GRM1: variants seen among roughly 807,000 people sequenced by gnomAD.
GRM1 encodes the protein metabotropic glutamate receptor 1.
Under a neutral mutation model 90.9 loss-of-function variants are expected in GRM1, and 33 were observed. That is an observed-to-expected ratio of 0.36 (90% CI 0.28 to 0.49). The LOEUF (loss-of-function observed/expected upper bound fraction) is 0.49, where lower values mean the gene tolerates loss of function less well. Ranked by LOEUF, GRM1 falls within the 20% of genes least tolerant of loss-of-function variation. The pLI is 0.99. For synonymous variants in GRM1, 700 were observed against 613.2 expected, an observed-to-expected ratio of 1.14 and a Z score of -2.09; for missense variants, 1,190 against 1,534.3, an observed-to-expected ratio of 0.78 and a Z score of 3.75.
chr6:146,347,613 G>C (rs1217890380), intron 3 of GRM1, among the ~76,000 whole-genome samples: 1 of 151,966 alleles, frequency 6.6e-6, no homozygotes, highest in Non-Finnish European at 1.5e-5. Flanking sequence ...CAAACACATG[G>C]ATTCTGCACA....
At chr6:146,278,817 T>C (rs1428596381) in intron 2 of GRM1, among the ~76,000 whole-genome samples, 1 of 152,064 alleles carries the variant, frequency 6.6e-6, no homozygotes, top group East Asian at 1.9e-4. Context: ...CTTCCTTAAA[T>C]ATTTAATGGA....
chr6:146,240,659 CAGGATGAAGA>C (rs1241394495), intron 2 of GRM1, among the ~76,000 whole-genome samples: 4 of 152,096 alleles, frequency 2.6e-5, no homozygotes, highest in South Asian at 2.1e-4. Flanking sequence ...TGACACAGAG[CAGGATGAAGA>C]AGGATGGAGA....
chr6:146,292,943 GA>G (rs1783040787), intron 2 of GRM1, among the ~76,000 whole-genome samples: 1 of 151,904 alleles, frequency 6.6e-6, no homozygotes, highest in Non-Finnish European at 1.5e-5. Context: ...CCGTACAAAG[GA>G]ATGAAGCACT....
intron 1 of GRM1, among the ~76,000 whole-genome samples, chr6:146,142,773 A>G (rs1776933453): frequency 6.6e-6 from 1 of 152,038 alleles, no homozygotes; most frequent in Non-Finnish European, 1.5e-5. Context: ...CAGGCCTGAG[A>G]CTTACCCTTT....
chr6:146,397,473 C>CAAAAAAAAAAAAAAAAAAAAA (rs1195779695), intron 6 of GRM1, among the ~76,000 whole-genome samples: 3 of 16,762 alleles, frequency 1.8e-4, no homozygotes, highest in Non-Finnish European at 3.8e-4. Context: ...GACCCCGTCT[C>CAAAAAAAAAAAAAAAAAAAAA]AAAAAAAAAA....
chr6:146,182,455 A>G (rs888871384), intron 2 of GRM1, among the ~76,000 whole-genome samples: 3 of 152,150 alleles, frequency 2.0e-5, no homozygotes, highest in African/African-American at 4.8e-5. Flanking sequence ...ATGCAGTGCT[A>G]TCTGAATTGG....
At chr6:146,101,988 G>A (rs1384069987) in intron 1 of GRM1, among the ~76,000 whole-genome samples, 1 of 151,976 alleles carries the variant, frequency 6.6e-6, no homozygotes, top group African/African-American at 2.4e-5. Context: ...AAGATGAGAT[G>A]GCCTTTCCAT....
At chr6:146,081,524 T>C (rs1318497003) in intron 1 of GRM1, among the ~76,000 whole-genome samples, 1 of 152,170 alleles carries the variant, frequency 6.6e-6, no homozygotes, top group East Asian at 1.9e-4. Flanking sequence ...AGAGTGTTAA[T>C]TTGTTTTAAG....
intron 1 of GRM1, among the ~76,000 whole-genome samples, chr6:146,093,970 G>C (rs892577257): frequency 1.3e-5 from 2 of 152,054 alleles, no homozygotes; most frequent in African/African-American, 4.8e-5. Context: ...AAGAAAATGA[G>C]TTTGATAATA....
chr6:146,228,801 A>G (rs1780342986), intron 2 of GRM1, among the ~76,000 whole-genome samples: 1 of 152,048 alleles, frequency 6.6e-6, no homozygotes, highest in African/African-American at 2.4e-5. Context: ...AGCTTCTCCA[A>G]TTTTATCTTT....
At chr6:146,311,729 A>T (rs1469449530) in intron 3 of GRM1, among the ~76,000 whole-genome samples, 1 of 152,236 alleles carries the variant, frequency 6.6e-6, no homozygotes, top group African/African-American at 2.4e-5. Context: ...TAAACATAAT[A>T]GTAACAGTGA....
intron 2 of GRM1, among the ~76,000 whole-genome samples, chr6:146,249,368 G>T (rs958493628): frequency 3.9e-5 from 6 of 152,088 alleles, no homozygotes; most frequent in Non-Finnish European, 5.9e-5. Context: ...CCATGACCCT[G>T]CTACTCTGTG....
chr6:146,094,607 A>C (rs1213787885), intron 1 of GRM1, among the ~76,000 whole-genome samples: 1 of 152,106 alleles, frequency 6.6e-6, no homozygotes, highest in Non-Finnish European at 1.5e-5. Flanking sequence ...TAATCATTTC[A>C]TTGTTAATGG....
At position 146,147,879 on chromosome 6, in the gene GRM1, A is replaced by T. The variant is rs182523872; in HGVS notation, c.701-11469A>T. Among the ~76,000 whole-genome samples the T allele has an allele frequency of 3.3e-5, 5 of 152,312 alleles. No individual in the cohort carries two copies. The East Asian group carries it at 9.6e-4, about 29-fold the overall frequency. On this transcript the variant is annotated intron_variant, in intron 1 of 7. Coordinates refer to ENST00000282753, the MANE Select transcript of GRM1 (RefSeq NM_001278064.2). ...TCAGTCTCATTGAGTCTTCAACTTA[A>T]AAAAAGAAAGAAAGAAAAAGAAAAA...
chr6:146,233,416 C>A (rs964418251), intron 2 of GRM1, among the ~76,000 whole-genome samples: 2 of 151,912 alleles, frequency 1.3e-5, no homozygotes, highest in African/African-American at 4.8e-5. Flanking sequence ...AAATCTGTAT[C>A]TTTTTTTTCC....
At chr6:146,310,919 T>TA (rs1413233576) in intron 3 of GRM1, among the ~76,000 whole-genome samples, 1 of 152,214 alleles carries the variant, frequency 6.6e-6, no homozygotes, top group Non-Finnish European at 1.5e-5. Flanking sequence ...ATTCATGAAC[T>TA]AAATAAATTA....
intron 2 of GRM1, among the ~76,000 whole-genome samples, chr6:146,176,940 C>T (rs1022837270): frequency 6.6e-6 from 1 of 152,058 alleles, no homozygotes; most frequent in Non-Finnish European, 1.5e-5. Flanking sequence ...ATTAACATCT[C>T]TCATATTAGG....
At chr6:146,349,102 T>G (rs541657770) in intron 3 of GRM1, among the ~76,000 whole-genome samples, 2 of 148,452 alleles carry the variant, frequency 1.3e-5, no homozygotes, top group Non-Finnish European at 3.0e-5. Context: ...AGTCTCGTTT[T>G]GTAGCCCAGG....
chr6:146,063,902 A>C (rs1370329103), intron 1 of GRM1, among the ~76,000 whole-genome samples: 1 of 152,296 alleles, frequency 6.6e-6, no homozygotes, highest in East Asian at 1.9e-4. Flanking sequence ...ATTATTATCT[A>C]TGCTAATTAA....
Sources: allele counts gnomAD v4.1 joint callset (sites outside exome capture counted in the v4.1 genomes callset), GRCh38; gene constraint gnomAD v4.1.1; transcripts MANE v1.5; gene names NCBI Gene and HGNC (gene_info 2026-07-23, HGNC 2026-07-21).